The following SLC24A2 variants were observed in gnomAD, a reference collection of about 807,000 sequenced individuals.
SLC24A2 encodes the protein sodium/potassium/calcium exchanger 2.
SLC24A2 carries 36 observed loss-of-function variants against 62.0 expected under a neutral mutation model. The observed-to-expected ratio is 0.58, with a 90% CI of 0.44 to 0.77. The LOEUF (loss-of-function observed/expected upper bound fraction) is 0.77. Among genes scored for constraint, SLC24A2 ranks in the 30% least tolerant of loss-of-function variants. The pLI is 0.00. For synonymous variants in SLC24A2, 358 were observed against 294.0 expected, an observed-to-expected ratio of 1.22 and a Z score of -2.23; for missense variants, 846 against 817.9, an observed-to-expected ratio of 1.03 and a Z score of -0.42.
intron 2 of SLC24A2, among the ~76,000 whole-genome samples, chr9:19,677,121 C>T (rs1034421987): frequency 6.6e-6 from 1 of 152,236 alleles, no homozygotes; most frequent in Non-Finnish European, 1.5e-5. Context: ...TCTAAAGACA[C>T]ATGCACATGT....
the SLC24A2 span, among the ~76,000 whole-genome samples, chr9:19,882,290 T>C: frequency 6.6e-6 from 1 of 152,228 alleles, no homozygotes; most frequent in Non-Finnish European, 1.5e-5. Context: ...TTTTTCTCCA[T>C]GAATAAAGGT....
the SLC24A2 span, among the ~76,000 whole-genome samples, chr9:19,863,073 G>A: frequency 6.6e-6 from 1 of 151,916 alleles, no homozygotes; most frequent in African/African-American, 2.4e-5. Context: ...CCATGCCATT[G>A]GAAGCCAAAA....
the SLC24A2 span, among the ~76,000 whole-genome samples, chr9:20,047,269 A>G: frequency 1.3e-5 from 2 of 152,126 alleles, no homozygotes; most frequent in East Asian, 1.9e-4. Context: ...CTAGCTATGC[A>G]GACTGTTTGC....
At chr9:19,665,907 C>T (rs534849443) in intron 2 of SLC24A2, among the ~76,000 whole-genome samples, 2 of 152,276 alleles carry the variant, frequency 1.3e-5, no homozygotes, top group Admixed American at 1.3e-4. Flanking sequence ...ACCTCACCCA[C>T]CTCGGCCTTC....
At chr9:19,809,222 T>C in the SLC24A2 span, among the ~76,000 whole-genome samples, 1 of 152,182 alleles carries the variant, frequency 6.6e-6, no homozygotes, top group Admixed American at 6.6e-5. Flanking sequence ...CTAATATCTA[T>C]GTATTTTTTA....
chr9:19,590,642 A>G (rs531837148), intron 5 of SLC24A2, among the ~76,000 whole-genome samples: 1 of 152,106 alleles, frequency 6.6e-6, no homozygotes, highest in Admixed American at 6.5e-5. Flanking sequence ...TTCTGTTCCC[A>G]TCTGTGATGA....
chr9:20,305,480 T>G, the SLC24A2 span, among the ~76,000 whole-genome samples: 1 of 152,106 alleles, frequency 6.6e-6, no homozygotes, highest in South Asian at 2.1e-4. Context: ...ATAATAGCAA[T>G]TAACATCTTT....
At chr9:20,131,630 T>G in the SLC24A2 span, among the ~76,000 whole-genome samples, 1 of 152,168 alleles carries the variant, frequency 6.6e-6, no homozygotes, top group Admixed American at 6.6e-5. Flanking sequence ...TGATTATTCT[T>G]ATTCCTGTGG....
chr9:20,251,238 C>G, the SLC24A2 span, among the ~76,000 whole-genome samples: 2 of 152,212 alleles, frequency 1.3e-5, no homozygotes, highest in Non-Finnish European at 2.9e-5. Context: ...CTCTCATACT[C>G]TTAGGTGTTT....
At chr9:19,972,215 T>A in the SLC24A2 span, among the ~76,000 whole-genome samples, 1 of 152,016 alleles carries the variant, frequency 6.6e-6, no homozygotes, top group Admixed American at 6.6e-5. Context: ...GAGAGAGAGC[T>A]ACTGTGGCAA....
At chr9:19,910,763 A>G in the SLC24A2 span, among the ~76,000 whole-genome samples, 1 of 152,094 alleles carries the variant, frequency 6.6e-6, no homozygotes, top group Non-Finnish European at 1.5e-5. Flanking sequence ...TAGTACTCTG[A>G]AAAGCCTTCC....
the SLC24A2 span, among the ~76,000 whole-genome samples, chr9:20,023,415 C>A: frequency 6.6e-6 from 1 of 152,142 alleles, no homozygotes; most frequent in Non-Finnish European, 1.5e-5. Context: ...AATTAGCAGG[C>A]TTGGTTACTG....
intron 2 of SLC24A2, among the ~76,000 whole-genome samples, chr9:19,729,305 T>C (rs4977318): frequency 0.18 from 26,965 of 152,200 alleles, 2,588 homozygotes; most frequent in Non-Finnish European, 0.22. Flanking sequence ...TGGAAAATAG[T>C]ATGGAGGTTC....
the SLC24A2 span, among the ~76,000 whole-genome samples, chr9:20,307,611 T>C: frequency 6.6e-6 from 1 of 152,224 alleles, no homozygotes; most frequent in African/African-American, 2.4e-5. Flanking sequence ...TAGACAACTA[T>C]ACTTGGGGTC....
chr9:19,811,199 G>A, the SLC24A2 span, among the ~76,000 whole-genome samples: 1 of 152,140 alleles, frequency 6.6e-6, no homozygotes, highest in Non-Finnish European at 1.5e-5. Context: ...GCCATACAAT[G>A]AGAAATTGAC....
chr9:19,699,434 AT>A (rs1180291835), intron 2 of SLC24A2, among the ~76,000 whole-genome samples: 1 of 152,230 alleles, frequency 6.6e-6, no homozygotes, highest in Non-Finnish European at 1.5e-5. Context: ...GTACAGGCTT[AT>A]AACCAGGAAC....
chr9:19,741,970 T>C (rs147212265), intron 2 of SLC24A2, among the ~76,000 whole-genome samples: 131 of 152,356 alleles, frequency 8.6e-4, no homozygotes, highest in Admixed American at 2.2e-3. Context: ...GTAGTTAGTA[T>C]AGTATGCAAT....
At position 19,510,482 on chromosome 9, in the gene SLC24A2, G is replaced by C. The variant is rs182661235; in HGVS notation, c.*5671C>G. On this transcript the variant is annotated 3_prime_UTR_variant, in exon 11 of 11. Transcript: ENST00000341998. ...AAAAGTTAAGTCATTAAGTGGATGG[G>C]TTTGGGTTAACTTGGAGGGAGGCTT... is the stretch of plus-strand genomic sequence containing the variant. The C allele has an allele frequency of 1.3e-5, 2 of 150,180 alleles. No individual in the cohort carries two copies. Among genetic ancestry groups the C allele is most frequent in the African/African-American group, 4.9e-5 (2 of 40,626 alleles). 9.3% of individuals were successfully genotyped at this position (150,180 alleles called of 1,614,324 possible).
the SLC24A2 span, among the ~76,000 whole-genome samples, chr9:20,295,620 G>A: frequency 4.6e-5 from 6 of 129,842 alleles, no homozygotes; most frequent in African/African-American, 1.6e-4. Flanking sequence ...TACAGAAGGT[G>A]AACTGGTCTT....
Sources: allele counts gnomAD v4.1 joint callset (sites outside exome capture counted in the v4.1 genomes callset), GRCh38; gene constraint gnomAD v4.1.1; transcripts MANE v1.5; gene names NCBI Gene and HGNC (gene_info 2026-07-23, HGNC 2026-07-21).